Variants in KIAA0825 observed in about 807,000 individuals in gnomAD.
KIAA0825 encodes the protein KIAA0825, also known as uncharacterized protein KIAA0825.
In KIAA0825, 119 loss-of-function variants were observed where a neutral mutation model predicts 147.6. The observed-to-expected ratio is 0.81, with a 90% CI of 0.69 to 0.94. KIAA0825 has a LOEUF of 0.94. Ranked by LOEUF, KIAA0825 falls within the 40% of genes least tolerant of loss-of-function variation. KIAA0825 has a pLI of 0.00. For synonymous variants in KIAA0825, 470 were observed against 518.1 expected (o/e 0.91, Z 1.26); for missense variants, 1,381 against 1,472.7 (o/e 0.94, Z 1.02).
In KIAA0825 at chr5:94,470,065, T is replaced by G. The variant is rs1272591087; in HGVS notation, c.1768A>C (p.Thr590Pro). The change falls in exon 10 of 21, where the codon ACT becomes CCT. Residue 590 changes from threonine to proline, a missense_variant. Coordinates refer to ENST00000682413, the MANE Select transcript of KIAA0825 (RefSeq NM_001145678.3). ...LVQRYQEFIN[T>P]LQFQVTNYCV... ...TAGTTCGTAACCTGAAACTGTAGAG[T>G]GTTGATGAATTCCTGATATCGTTGG... is the stretch of plus-strand genomic sequence containing the variant. The G allele has an allele frequency of 7.1e-6, 11 of 1,551,320 alleles. No individual in the cohort carries two copies. The East Asian group carries it at 2.7e-4, about 38-fold the overall frequency.
chr5:94,470,854 G>A (rs1013286969), intron 9 of KIAA0825, among the ~76,000 whole-genome samples: 3 of 152,168 alleles, frequency 2.0e-5, no homozygotes, highest in African/African-American at 7.2e-5. Flanking sequence ...TTTGCAAGAA[G>A]CCATGTTATA....
chr5:94,207,635 A>C (rs922949972), intron 20 of KIAA0825, among the ~76,000 whole-genome samples: 2 of 152,254 alleles, frequency 1.3e-5, no homozygotes, highest in Non-Finnish European at 2.9e-5. Context: ...CTAAACACAC[A>C]GCAATATCAC....
chr5:94,564,384 TTGTGTG>T (rs139331057), intron 2 of KIAA0825, among the ~76,000 whole-genome samples: 95 of 79,264 alleles, frequency 1.2e-3, no homozygotes, highest in Non-Finnish European at 1.9e-3. Flanking sequence ...ATTTTTGAAT[TTGTGTG>T]TGTGTGTGTG....
At chr5:94,599,943 C>CA (rs140863710) in intron 1 of KIAA0825, among the ~76,000 whole-genome samples, 20 of 150,914 alleles carry the variant, frequency 1.3e-4, no homozygotes, top group Non-Finnish European at 2.4e-4. Context: ...TCCACCCCCC[C>CA]AAAAAAAAGG....
chr5:94,190,599 T>C (rs1770594637), intron 20 of KIAA0825, among the ~76,000 whole-genome samples: 1 of 151,822 alleles, frequency 6.6e-6, no homozygotes, highest in Non-Finnish European at 1.5e-5. Flanking sequence ...GCTGTAGGTC[T>C]TTCATAGGTG....
At position 94,464,909 on chromosome 5, in the gene KIAA0825, C is replaced by A; in HGVS notation, c.2023G>T (p.Ala675Ser). 1 of 1,551,562 alleles carries A rather than the reference C, an allele frequency of 6.4e-7. No individual in the cohort carries two copies. Among genetic ancestry groups the A allele is most frequent in the Non-Finnish European group, 8.7e-7 (1 of 1,146,934 alleles). The stretch of plus-strand genomic sequence containing the variant: ...CTTTTACGGCTGGGGTGGGCCCGAG[C>A]GTATCTGGAGGCCAGTAGACTCAAA... The part of the protein sequence containing the change: ...KSLSLLASRY[A>S]RAHPSRKRTP... The change falls in exon 11 of 21, where the codon GCT becomes TCT. Residue 675 changes from alanine to serine, a missense_variant. Coordinates refer to ENST00000682413, the MANE Select transcript of KIAA0825 (RefSeq NM_001145678.3).
Position 94,537,072 on chromosome 5 carries a change from TTAAC to T in KIAA0825, c.51_54del (p.Leu18ThrfsTer27). The T allele has an allele frequency of 6.2e-7, 1 of 1,610,576 alleles. No homozygotes were observed. The highest frequency in any genetic ancestry group is 8.5e-7 in the Non-Finnish European group (1 of 1,177,068). On this transcript the variant is annotated frameshift_variant, in exon 3 of 21. Transcript: ENST00000682413. LOFTEE classifies it high-confidence loss of function. ...AACTCCAAGTCTCCAGGAAATGAGT[TTAAC>T]AAACAATGTAGGTCAAAAGAATTAT...
At chr5:94,382,641 C>T (rs917625684) in intron 20 of KIAA0825, among the ~76,000 whole-genome samples, 2 of 152,102 alleles carry the variant, frequency 1.3e-5, no homozygotes, top group Non-Finnish European at 2.9e-5. Flanking sequence ...GACCCTTTTC[C>T]AAGAGAACTG....
intron 7 of KIAA0825, among the ~76,000 whole-genome samples, chr5:94,476,761 G>A (rs1376120050): frequency 6.6e-6 from 1 of 152,058 alleles, no homozygotes; most frequent in Admixed American, 6.6e-5. Context: ...AAAATATGAG[G>A]CCAGTTGAGA....
chr5:94,243,741 A>G (rs1381424513), intron 20 of KIAA0825, among the ~76,000 whole-genome samples: 1 of 151,932 alleles, frequency 6.6e-6, no homozygotes, highest in African/African-American at 2.4e-5. Context: ...TCCCTGCCCC[A>G]CACATCTAGG....
intron 2 of KIAA0825, among the ~76,000 whole-genome samples, chr5:94,560,864 G>A (rs1055682672): frequency 2.6e-5 from 4 of 152,076 alleles, no homozygotes; most frequent in East Asian, 1.9e-4. Context: ...ACACACACAC[G>A]CACATATACA....
chr5:94,314,561 A>G (rs879584319), intron 20 of KIAA0825, among the ~76,000 whole-genome samples: 2 of 151,724 alleles, frequency 1.3e-5, no homozygotes, highest in Admixed American at 6.6e-5. Flanking sequence ...CTTCTTGTTT[A>G]GTATTCCTCA....
intron 20 of KIAA0825, among the ~76,000 whole-genome samples, chr5:94,223,861 A>C (rs539586042): frequency 2.0e-5 from 3 of 152,266 alleles, no homozygotes; most frequent in African/African-American, 7.2e-5. Flanking sequence ...GTTAAAGATT[A>C]ATTCAAAGAA....
At chr5:94,412,007 A>C (rs1752832847) in intron 15 of KIAA0825, among the ~76,000 whole-genome samples, 1 of 152,066 alleles carries the variant, frequency 6.6e-6, no homozygotes, top group African/African-American at 2.4e-5. Flanking sequence ...CCATCAAAAG[A>C]CCTTGTTAAG....
At chr5:94,441,995 G>A (rs540439890) in intron 13 of KIAA0825, among the ~76,000 whole-genome samples, 3 of 152,042 alleles carry the variant, frequency 2.0e-5, no homozygotes, top group South Asian at 2.1e-4. Context: ...ACCCAGATTC[G>A]AACTTTGTGA....
intron 20 of KIAA0825, among the ~76,000 whole-genome samples, chr5:94,274,141 TAAAG>T (rs1562344685): frequency 6.6e-6 from 1 of 152,156 alleles, no homozygotes; most frequent in Non-Finnish European, 1.5e-5. Context: ...GCAGGGAACA[TAAAG>T]AAGAATGTCT....
chr5:94,465,313 C>A (rs1024684504), intron 10 of KIAA0825, among the ~76,000 whole-genome samples: 2 of 152,204 alleles, frequency 1.3e-5, no homozygotes, highest in African/African-American at 4.8e-5. Context: ...GATTTACCTA[C>A]GCCTAGCCTA....
chr5:94,427,143 C>T (rs1358986761), intron 14 of KIAA0825, among the ~76,000 whole-genome samples: 1 of 152,270 alleles, frequency 6.6e-6, no homozygotes, highest in African/African-American at 2.4e-5. Context: ...GGACATTTTC[C>T]ATCTACTCTG....
chr5:94,383,905 C>T (rs550060077), intron 20 of KIAA0825, among the ~76,000 whole-genome samples: 1 of 151,764 alleles, frequency 6.6e-6, no homozygotes, highest in Admixed American at 6.6e-5. Flanking sequence ...AAAATTCAAT[C>T]ATGACAGTTT....
Sources: allele counts gnomAD v4.1 joint callset (sites outside exome capture counted in the v4.1 genomes callset), GRCh38; gene constraint gnomAD v4.1.1; transcripts MANE v1.5; gene names NCBI Gene and HGNC (gene_info 2026-07-23, HGNC 2026-07-21).